Variants in CCDC7 observed in about 807,000 individuals in gnomAD.
The protein encoded by CCDC7 is coiled-coil domain containing 7, also known as coiled-coil domain-containing protein 7.
In CCDC7, 183 loss-of-function variants were observed where a neutral mutation model predicts 196.9. The ratio of observed to expected loss-of-function variants is 0.93; its 90% CI spans 0.82 to 1.05. The LOEUF is 1.05. Ranked by LOEUF, CCDC7 falls within the 50% of genes least tolerant of loss-of-function variation. The pLI is 0.00. For missense variants in CCDC7, 1,540 were observed against 1,482.2 expected, an observed-to-expected ratio of 1.04 and a Z score of -0.64; for synonymous variants, 525 against 484.6, an observed-to-expected ratio of 1.08 and a Z score of -1.10.
intron 41 of CCDC7, among the ~76,000 whole-genome samples, chr10:32,860,051 T>C (rs2093919169): frequency 6.6e-6 from 1 of 152,176 alleles, no homozygotes; most frequent in South Asian, 2.1e-4. Context: ...GAATCCTCCC[T>C]AACTTATTTT....
chr10:32,673,869 TTTC>T (rs1355880113), intron 21 of CCDC7, among the ~76,000 whole-genome samples: 1 of 152,072 alleles, frequency 6.6e-6, no homozygotes, highest in Admixed American at 6.6e-5. Context: ...AATTTAACAA[TTTC>T]TTCTTTGTTG....
At chr10:32,752,655 C>T (rs1490252809) in intron 28 of CCDC7, among the ~76,000 whole-genome samples, 3 of 151,922 alleles carry the variant, frequency 2.0e-5, no homozygotes, top group Non-Finnish European at 4.4e-5. Context: ...TAGAAATAGG[C>T]CTGTGAAAAG....
At chr10:32,565,502 TA>T (rs1410235466) in intron 13 of CCDC7, 55 bp from the exon 15 acceptor site, 7 of 1,557,780 alleles carry the variant, frequency 4.5e-6, no homozygotes, top group Non-Finnish European at 6.1e-6. Context: ...CTGGTAAAAC[TA>T]AATTAATTAA....
chr10:32,632,459 T>C (rs2065010201), intron 18 of CCDC7, among the ~76,000 whole-genome samples: 1 of 151,444 alleles, frequency 6.6e-6, no homozygotes. Flanking sequence ...CTTTCTTTTA[T>C]TTATATAAAT....
At position 32,766,950 on chromosome 10, in the gene CCDC7, A is replaced by G. The variant is rs76839029; in HGVS notation, c.2906-12027A>G. Among the ~76,000 whole-genome samples, 476 of 152,154 alleles carry G rather than the reference A, an allele frequency of 3.1e-3. 2 individuals carry two copies. Among genetic ancestry groups the G allele is most frequent in the African/African-American group, 0.01 (430 of 41,516 alleles). The stretch of plus-strand genomic sequence containing the variant: ...TGGTTCTTGTGATGGTGCTTTTTCC[A>G]TATTGTTAGTTGTTAAAATTTGATG... On this transcript the variant is annotated intron_variant, in intron 28 of 41. Coordinates refer to ENST00000639629, the Ensembl canonical transcript of CCDC7.
At chr10:32,699,256 A>G (rs1261644791) in intron 24 of CCDC7, among the ~76,000 whole-genome samples, 1 of 124,438 alleles carries the variant, frequency 8.0e-6, no homozygotes, top group Admixed American at 1.1e-4. Context: ...TCCTGTGTCC[A>G]TGTGTTCTCA....
chr10:32,476,549 A>G (rs2039011376), intron 8 of CCDC7, among the ~76,000 whole-genome samples: 2 of 152,186 alleles, frequency 1.3e-5, no homozygotes, highest in African/African-American at 4.8e-5. Flanking sequence ...TGTGGATGTA[A>G]GTTTTCAGCT....
At chr10:32,503,423 T>C (rs940850869) in intron 9 of CCDC7, among the ~76,000 whole-genome samples, 10 of 152,214 alleles carry the variant, frequency 6.6e-5, no homozygotes, top group Non-Finnish European at 1.5e-5. Context: ...TTCATTCTGC[T>C]AATATGATGC....
chr10:32,810,591 C>T (rs1234585262), intron 30 of CCDC7, among the ~76,000 whole-genome samples: 2 of 152,124 alleles, frequency 1.3e-5, no homozygotes, highest in Non-Finnish European at 2.9e-5. Context: ...ACCTCATTCT[C>T]AGCATTAGAC....
intron 39 of CCDC7, among the ~76,000 whole-genome samples, chr10:32,849,332 C>A (rs1049119267): frequency 2.0e-5 from 3 of 151,966 alleles, no homozygotes; most frequent in East Asian, 3.8e-4. Flanking sequence ...ATATGTATGG[C>A]GGTTGGCTGG....
At chr10:32,579,513 A>T (rs886460730) in intron 16 of CCDC7, among the ~76,000 whole-genome samples, 6 of 152,204 alleles carry the variant, frequency 3.9e-5, no homozygotes, top group African/African-American at 1.4e-4. Flanking sequence ...CAGTATTAAT[A>T]TAGAGTACAA....
intron 29 of CCDC7, among the ~76,000 whole-genome samples, chr10:32,792,568 A>G (rs892012346): frequency 3.3e-5 from 5 of 152,204 alleles, no homozygotes; most frequent in Admixed American, 3.3e-4. Context: ...TGGGAGGCTG[A>G]GGTGGGCAGA....
intron 4 of CCDC7, 105 bp downstream of exon 5, chr10:32,462,808 AC>A: frequency 7.9e-7 from 1 of 1,271,932 alleles, no homozygotes; most frequent in Non-Finnish European, 1.1e-6. Context: ...GGAATTCCAT[AC>A]TTGCTGCTCT....
chr10:32,846,406 T>G, exon 37 of CCDC7: 1 of 1,594,858 alleles, frequency 6.3e-7, no homozygotes, highest in Non-Finnish European at 8.6e-7. Flanking sequence ...AAAGATGCTA[T>G]TGGAAGAGAT....
chr10:32,746,748 C>G (rs2074813991), intron 28 of CCDC7, among the ~76,000 whole-genome samples: 1 of 152,136 alleles, frequency 6.6e-6, no homozygotes, highest in African/African-American at 2.4e-5. Flanking sequence ...CAGAGGGACC[C>G]CACCAATGTG....
chr10:32,829,983 C>G lies in CCDC7; in HGVS notation c.3269-4832C>G, dbSNP rs532064388. Among the ~76,000 whole-genome samples the G allele has an allele frequency of 7.9e-5, 12 of 150,950 alleles. 1 individual carries two copies. In the South Asian group the frequency reaches 2.3e-3, roughly 29 times the overall value. ...GCTTCCTGCCCTCAAACATTGGACT[C>G]CAGGTTCTTCAGTTTTGGGACTTGA... On this transcript the variant is annotated intron_variant, in intron 32 of 41. Coordinates refer to ENST00000639629, the Ensembl canonical transcript of CCDC7.
At chr10:32,517,051 A>C (rs1177913442) in intron 9 of CCDC7, among the ~76,000 whole-genome samples, 1 of 152,220 alleles carries the variant, frequency 6.6e-6, no homozygotes, top group Admixed American at 6.5e-5. Context: ...CAATGTCACC[A>C]AACTGTGTCA....
chr10:32,595,486 A>C (rs984950792), intron 18 of CCDC7, among the ~76,000 whole-genome samples: 1 of 152,096 alleles, frequency 6.6e-6, no homozygotes, highest in African/African-American at 2.4e-5. Flanking sequence ...TGATCTTTTC[A>C]AAAAACCATC....
At chr10:32,589,504 G>A (rs1015674091) in intron 18 of CCDC7, among the ~76,000 whole-genome samples, 2 of 152,076 alleles carry the variant, frequency 1.3e-5, no homozygotes, top group South Asian at 2.1e-4. Flanking sequence ...AGAATACTCC[G>A]TGTGCTGAGG....
Sources: gnomAD v4.1 joint callset for allele counts (sites outside exome capture counted in the v4.1 genomes callset) on GRCh38, gnomAD v4.1.1 for gene constraint, MANE v1.5 for transcripts, NCBI Gene and HGNC (gene_info 2026-07-23, HGNC 2026-07-21) for gene names.